Variants in ADGRE2 observed in about 807,000 individuals in gnomAD.
ADGRE2 encodes the protein adhesion G protein-coupled receptor E2.
ADGRE2 carries 83 observed loss-of-function variants against 100.8 expected under a neutral mutation model. The ratio of observed to expected loss-of-function variants is 0.82; its 90% confidence interval spans 0.69 to 0.99. The LOEUF (loss-of-function observed/expected upper bound fraction) is 0.99, where lower values mean the gene tolerates loss of function less well. Ranked by LOEUF, ADGRE2 falls within the 50% of genes least tolerant of loss-of-function variation. ADGRE2 has a pLI of 0.00. For missense variants in ADGRE2, 814 were observed against 1,035.7 expected (o/e 0.79, Z 2.94); for synonymous variants, 355 against 413.0 (o/e 0.86, Z 1.70).
intron 5 of ADGRE2, among the ~76,000 whole-genome samples, chr19:14,770,704 A>G (rs8112061): frequency 0.61 from 75,627 of 123,856 alleles, 24,045 homozygotes; most frequent in African/African-American, 0.76. Context: ...TTTTGAGACA[A>G]AGTCTTGCTC....
At chr19:14,770,627 G>A (rs2044160635) in intron 5 of ADGRE2, among the ~76,000 whole-genome samples, 1 of 150,940 alleles carries the variant, frequency 6.6e-6, no homozygotes, top group Non-Finnish European at 1.5e-5. Context: ...CTGGAGAGGA[G>A]AGGCTTTTCT....
chr19:14,736,224 C>A lies in ADGRE2; in HGVS notation c.*12G>T. 1 of 1,584,158 alleles carries A rather than the reference C, an allele frequency of 6.3e-7. No individual in the cohort carries two copies. The highest frequency in any genetic ancestry group is 8.7e-7 in the Non-Finnish European group (1 of 1,153,730). On this transcript the variant is annotated 3_prime_UTR_variant, in exon 21 of 21. Coordinates refer to ENST00000315576, the MANE Select transcript of ADGRE2 (RefSeq NM_013447.4). ...ACGGGCAAAGAGGGAAGATCTTATT[C>A]AGAAGATTTTTCTAGTTAACCTGAA...
chr19:14,756,302 G>A lies in ADGRE2; in HGVS notation c.1128C>T (p.Thr376=). The part of the protein sequence containing the change: ...EVQKQVDRSV[T]LRQNQAVMQL... ...GCATCACTGCCTGATTCTGTCTCAA[G>A]GTGACACTCCTGTCTACTTGCTTCT... Residue 376 remains threonine, a synonymous_variant, in exon 12 of 21, where the codon ACC becomes ACT. Coordinates refer to ENST00000315576, the MANE Select transcript of ADGRE2 (RefSeq NM_013447.4). 6.2e-7 allele frequency: 1 copy of A among 1,614,086 alleles called. No individual in the cohort carries two copies. The highest frequency in any genetic ancestry group is 8.5e-7 in the Non-Finnish European group (1 of 1,180,014).
intron 11 of ADGRE2, among the ~76,000 whole-genome samples, chr19:14,757,432 G>A (rs1679525865): frequency 6.6e-6 from 1 of 151,736 alleles, no homozygotes; most frequent in Non-Finnish European, 1.5e-5. Flanking sequence ...CAATCTTGAA[G>A]AAGAACAAGA....
chr19:14,773,210 C>T (rs1444780020), intron 4 of ADGRE2, among the ~76,000 whole-genome samples: 1 of 151,186 alleles, frequency 6.6e-6, no homozygotes, highest in African/African-American at 2.4e-5. Context: ...GATTCCTGAG[C>T]ACGCAGCTTC....
intron 11 of ADGRE2, 44 bp from the exon 12 acceptor site, chr19:14,756,389 C>T (rs893305019): frequency 8.8e-6 from 12 of 1,359,850 alleles, no homozygotes; most frequent in Admixed American, 3.4e-5. Context: ...GGTTAGGAAT[C>T]GTGCCTGCAG....
At chr19:14,754,477 A>ATCTATCTATCTATCTG (rs1555784863) in intron 14 of ADGRE2, among the ~76,000 whole-genome samples, 10,352 of 150,190 alleles carry the variant, frequency 0.069, 420 homozygotes, top group South Asian at 0.1. Context: ...CTATCTATCT[A>ATCTATCTATCTATCTG]TCTATCTATC....
intron 14 of ADGRE2, among the ~76,000 whole-genome samples, chr19:14,753,430 G>T (rs2147251175): frequency 6.6e-6 from 1 of 152,174 alleles, no homozygotes; most frequent in East Asian, 1.9e-4. Context: ...AAACAAAAGG[G>T]TGGTTTGGCC....
chr19:14,770,689 T>TTTC (rs2044173218), intron 5 of ADGRE2, among the ~76,000 whole-genome samples: 1 of 134,892 alleles, frequency 7.4e-6, no homozygotes, highest in Non-Finnish European at 1.6e-5. Flanking sequence ...TTTTTTTTTT[T>TTTC]TTTTTTTTGA....
At chr19:14,741,029 C>T (rs1440572975) in intron 20 of ADGRE2, among the ~76,000 whole-genome samples, 2 of 151,220 alleles carry the variant, frequency 1.3e-5, no homozygotes, top group South Asian at 2.1e-4. Context: ...CCACGCCCAG[C>T]GAATTTTTAA....
chr19:14,777,076 C>G (rs184942621), intron 1 of ADGRE2, 149 bp from the exon 2 acceptor site: 2 of 1,210,738 alleles, frequency 1.7e-6, no homozygotes, highest in East Asian at 9.7e-5. Flanking sequence ...GCTGGAGTTT[C>G]CACCATGTGG....
chr19:14,759,380 C>G lies in ADGRE2; in HGVS notation c.1085-3035G>C, dbSNP rs540035808. 1.4e-3 allele frequency among the ~76,000 whole-genome samples: 218 copies of G among 152,082 alleles called. 1 individual carries two copies. The highest frequency in any genetic ancestry group is 2.7e-3 in the Non-Finnish European group (181 of 68,006). ...GGAAACCTTACTGAGGACTCTCTGA[C>G]CCTTGCTAACTGCCTAAATAATTTC... On this transcript the variant is annotated intron_variant, in intron 11 of 20. Transcript: ENST00000315576.
chr19:14,736,681 AAT>A (rs1196719980), intron 20 of ADGRE2, among the ~76,000 whole-genome samples: 1 of 141,312 alleles, frequency 7.1e-6, no homozygotes, highest in East Asian at 2.2e-4. Context: ...TATATTTAGA[AAT>A]ATATAGATAT....
At chr19:14,751,993 G>T (rs941754657) in intron 15 of ADGRE2, among the ~76,000 whole-genome samples, 2 of 150,066 alleles carry the variant, frequency 1.3e-5, no homozygotes, top group Admixed American at 6.7e-5. Flanking sequence ...GCATGCAATG[G>T]TGCGATCTCG....
Position 14,757,879 on chromosome 19 carries a change from C to T in ADGRE2, c.1085-1534G>A, listed in dbSNP as rs948309965. 1.3e-5 allele frequency among the ~76,000 whole-genome samples: 2 copies of T among 152,220 alleles called. 1 individual carries two copies. The highest frequency in any genetic ancestry group is 4.8e-5 in the African/African-American group (2 of 41,460). On this transcript the variant is annotated intron_variant, in intron 11 of 20. Transcript: ENST00000315576. The stretch of plus-strand genomic sequence containing the variant: ...AGTGTAGTGGCACAATCTCAGCTCA[C>T]TGCAACCTCCGTGTCCCAGGTTCAA...
intron 20 of ADGRE2, among the ~76,000 whole-genome samples, chr19:14,739,726 G>A (rs2042869415): frequency 6.6e-6 from 1 of 152,134 alleles, no homozygotes; most frequent in African/African-American, 2.4e-5. Context: ...TCTTGAGATG[G>A]GAAAATTGCC....
chr19:14,771,373 G>A (rs1376207644), intron 5 of ADGRE2, among the ~76,000 whole-genome samples: 1 of 152,122 alleles, frequency 6.6e-6, no homozygotes, highest in Admixed American at 6.5e-5. Context: ...ACCTGCTACT[G>A]GTTCCCATCT....
intron 15 of ADGRE2, among the ~76,000 whole-genome samples, chr19:14,751,919 A>G (rs4989750): frequency 0.18 from 9,085 of 51,814 alleles, 892 homozygotes; most frequent in African/African-American, 0.45. Flanking sequence ...ACACATATAT[A>G]TATATATATA....
chr19:14,772,147 C>G (rs2044233910), intron 5 of ADGRE2, 195 bp downstream of exon 5: 1 of 708,598 alleles, frequency 1.4e-6, no homozygotes, highest in African/African-American at 1.8e-5. Flanking sequence ...GTAGCTGGTC[C>G]CAGAGTTTTC....
Sources: gnomAD v4.1 joint callset for allele counts (sites outside exome capture counted in the v4.1 genomes callset) on GRCh38, gnomAD v4.1.1 for gene constraint, MANE v1.5 for transcripts, NCBI Gene and HGNC (gene_info 2026-07-23, HGNC 2026-07-21) for gene names.